The following NOX4 variants were observed in gnomAD, a reference collection of about 807,000 sequenced individuals.
NOX4 encodes the protein kidney oxidase-1.
Under a neutral mutation model 87.6 loss-of-function variants are expected in NOX4, and 69 were observed. The ratio of observed to expected loss-of-function variants is 0.79; its 90% confidence interval spans 0.65 to 0.96. The LOEUF (loss-of-function observed/expected upper bound fraction) is 0.96. Ranked by LOEUF, NOX4 falls within the 40% of genes least tolerant of loss-of-function variation. The pLI, the probability that NOX4 is intolerant of heterozygous loss-of-function variation, is 0.00. For synonymous variants in NOX4, 275 were observed against 238.2 expected, an observed-to-expected ratio of 1.15 and a Z score of -1.42; for missense variants, 680 against 681.5, an observed-to-expected ratio of 1.00 and a Z score of 0.02.
At chr11:89,342,724 C>T (rs1946059453) in intron 13 of NOX4, among the ~76,000 whole-genome samples, 4 of 152,188 alleles carry the variant, frequency 2.6e-5, no homozygotes, top group South Asian at 4.2e-4. Flanking sequence ...TAAAACTTTA[C>T]TTACAAACTG....
chr11:89,354,214 T>C (rs1937808043), intron 13 of NOX4, among the ~76,000 whole-genome samples: 1 of 152,200 alleles, frequency 6.6e-6, no homozygotes, highest in Non-Finnish European at 1.5e-5. Flanking sequence ...GATATTAGTT[T>C]ATTTATTCTT....
chr11:89,328,651 T>G (rs1351368349), intron 17 of NOX4, among the ~76,000 whole-genome samples: 1 of 152,052 alleles, frequency 6.6e-6, no homozygotes, highest in East Asian at 1.9e-4. Context: ...GAACTATAAC[T>G]AAGAGTGTTA....
chr11:89,355,077 A>G, intron 12 of NOX4, 34 bp from the exon 13 acceptor site: 1 of 1,431,966 alleles, frequency 7.0e-7, no homozygotes, highest in South Asian at 1.2e-5. Flanking sequence ...AAGCTGTGAA[A>G]AGATAAAAGT....
chr11:89,391,459 A>G (rs895740821), intron 11 of NOX4, among the ~76,000 whole-genome samples: 1 of 152,162 alleles, frequency 6.6e-6, no homozygotes, highest in Non-Finnish European at 1.5e-5. Flanking sequence ...TGAGTGAACA[A>G]AATTTAATGG....
chr11:89,373,392 T>G (rs1353654359), intron 12 of NOX4, 40 bp downstream of exon 12: 3 of 1,157,068 alleles, frequency 2.6e-6, no homozygotes, highest in Non-Finnish European at 3.9e-6. Flanking sequence ...CATTCCACTA[T>G]TTTCAAAGAA....
chr11:89,409,002 A>T (rs1942331002), intron 8 of NOX4, among the ~76,000 whole-genome samples: 1 of 152,012 alleles, frequency 6.6e-6, no homozygotes, highest in South Asian at 2.1e-4. Context: ...AAAATAGGTC[A>T]TTTCCCTAAG....
intron 16 of NOX4, among the ~76,000 whole-genome samples, chr11:89,336,341 A>G (rs111803731): frequency 2.0e-3 from 302 of 152,060 alleles, no homozygotes; most frequent in African/African-American, 7.1e-3. Flanking sequence ...ATGAATTCTA[A>G]TTGGTCAATC....
rs185862854 is a variant in NOX4 at position 89,329,570 on chromosome 11, C to T, written c.1617-2694G>A. Among the ~76,000 whole-genome samples the T allele has an allele frequency of 5.0e-3, 750 of 150,838 alleles. 8 individuals are homozygous for T. Among genetic ancestry groups the T allele is most frequent in the African/African-American group, 0.017 (705 of 41,280 alleles). On this transcript the variant is annotated intron_variant, in intron 17 of 17. Coordinates refer to ENST00000263317, the MANE Select transcript of NOX4 (RefSeq NM_016931.5). ...GCAATTGATAATAAAATACTAAAAA[C>T]GAGTGACAAAAAGAAAAACATAAAA... is the stretch of plus-strand genomic sequence containing the variant.
intron 2 of NOX4, among the ~76,000 whole-genome samples, chr11:89,483,778 A>G (rs916503700): frequency 1.3e-5 from 2 of 152,292 alleles, no homozygotes; most frequent in Non-Finnish European, 2.9e-5. Context: ...AAAGATAAGC[A>G]TGTAAGGTAA....
intron 12 of NOX4, among the ~76,000 whole-genome samples, chr11:89,364,556 A>C (rs1397335546): frequency 6.6e-6 from 1 of 152,106 alleles, no homozygotes; most frequent in East Asian, 1.9e-4. Context: ...AAGGGGAAAA[A>C]AATCCCTAAA....
intron 2 of NOX4, among the ~76,000 whole-genome samples, chr11:89,483,259 TTGAC>T (rs768003212): frequency 9.8e-4 from 149 of 152,198 alleles, no homozygotes; most frequent in Middle Eastern, 6.8e-3. Context: ...TGGCTGATTT[TTGAC>T]TGTTTCTGAT....
the NOX4 span, among the ~76,000 whole-genome samples, chr11:89,526,472 C>T: frequency 2.2e-4 from 34 of 152,212 alleles, no homozygotes; most frequent in African/African-American, 6.3e-4. Context: ...GGAATATCTA[C>T]GATATGGTTA....
chr11:89,346,241 C>A (rs551316226), intron 13 of NOX4, among the ~76,000 whole-genome samples: 25 of 152,022 alleles, frequency 1.6e-4, no homozygotes, highest in African/African-American at 5.5e-4. Context: ...TGAAAAAAAA[C>A]CAATTTGATG....
intron 6 of NOX4, among the ~76,000 whole-genome samples, chr11:89,438,977 T>C (rs550022875): frequency 1.0e-5 from 1 of 97,988 alleles, no homozygotes; most frequent in Admixed American, 1.8e-4. Flanking sequence ...AATATATAAT[T>C]ATATATTATA....
chr11:89,439,301 C>G (rs1291620750), intron 6 of NOX4, among the ~76,000 whole-genome samples: 6 of 151,534 alleles, frequency 4.0e-5, no homozygotes, highest in African/African-American at 1.5e-4. Flanking sequence ...ACTTTTTGTT[C>G]TCACCCAATT....
At chr11:89,555,036 C>A in the NOX4 span, among the ~76,000 whole-genome samples, 1 of 152,012 alleles carries the variant, frequency 6.6e-6, no homozygotes, top group Non-Finnish European at 1.5e-5. Context: ...ATTAAAATGG[C>A]ATGTACATGA....
chr11:89,482,898 G>A (rs1038903076), intron 2 of NOX4, among the ~76,000 whole-genome samples: 5 of 152,154 alleles, frequency 3.3e-5, no homozygotes, highest in African/African-American at 1.2e-4. Context: ...AACACTATCT[G>A]TTTCAGAACC....
the NOX4 span, among the ~76,000 whole-genome samples, chr11:89,518,255 T>C: frequency 6.6e-6 from 1 of 151,978 alleles, no homozygotes; most frequent in African/African-American, 2.4e-5. Flanking sequence ...GCTTGTACTT[T>C]AACAGGAACA....
Position 89,325,909 on chromosome 11 carries a change from A to ATATATATGTG in NOX4, c.*846_*847insCACATATATA, listed in dbSNP as rs1168382024. ...TGTATATATATATATATATATATATATGTGTGTGTGTGTGTATATATATAT... is the reference window on the plus strand; with the variant it reads ...TGTATATATATATATATATATATATATATATATGTGTGTGTGTGTGTGTGTATATATATAT... On this transcript the variant is annotated 3_prime_UTR_variant, in exon 18 of 18. Coordinates refer to ENST00000263317, the MANE Select transcript of NOX4 (RefSeq NM_016931.5). 8.2e-6 allele frequency: 1 copy of ATATATATGTG among 122,270 alleles called. No individual in the cohort carries two copies. Among genetic ancestry groups the ATATATATGTG allele is most frequent in the African/African-American group, 3.3e-5 (1 of 30,234 alleles). The allele number at this position is 122,270 out of a possible 1,614,324, so 7.6% of individuals were successfully genotyped here. A position where few individuals can be genotyped will look rare whatever the true frequency, so the allele number is the denominator to read the frequency against.
Sources: gnomAD v4.1 joint callset for allele counts (sites outside exome capture counted in the v4.1 genomes callset) on GRCh38, gnomAD v4.1.1 for gene constraint, MANE v1.5 for transcripts, NCBI Gene and HGNC (gene_info 2026-07-23, HGNC 2026-07-21) for gene names.